The following PLAGL1 variants were observed in gnomAD, a reference collection of about 807,000 sequenced individuals.
PLAGL1 encodes the protein PLAG1 like zinc finger 1, also known as zinc finger protein PLAGL1.
Under a neutral mutation model 4.6 loss-of-function variants are expected in PLAGL1, and 1 was observed. The ratio of observed to expected loss-of-function variants is 0.22; its 90% CI spans 0.08 to 1.03. PLAGL1 has a LOEUF of 1.03. Among genes scored for constraint, PLAGL1 ranks in the 50% least tolerant of loss-of-function variants. PLAGL1 has a pLI of 0.58. For synonymous variants in PLAGL1, 240 were observed against 237.8 expected, an observed-to-expected ratio of 1.01 and a Z score of -0.08; for missense variants, 464 against 570.4, an observed-to-expected ratio of 0.81 and a Z score of 1.90.
At chr6:144,058,981 G>A (rs1799191625) in intron 1 of PLAGL1, among the ~76,000 whole-genome samples, 1 of 152,296 alleles carries the variant, frequency 6.6e-6, no homozygotes, top group Admixed American at 6.5e-5. Context: ...ACTCCACTAG[G>A]TAGTGCCCTG....
upstream of PLAGL1, among the ~76,000 whole-genome samples, chr6:144,012,050 G>A (rs771817681): frequency 2.0e-5 from 3 of 152,120 alleles, no homozygotes; most frequent in Non-Finnish European, 4.4e-5. The surrounding 1 kb of genome is among the most constrained non-coding windows in gnomAD (Gnocchi z 4.8). Flanking sequence ...GTGGAGGGCT[G>A]GGCAGACATA....
At chr6:144,017,047 A>G (rs538949706) in intron 1 of PLAGL1, among the ~76,000 whole-genome samples, 3 of 152,300 alleles carry the variant, frequency 2.0e-5, no homozygotes, top group Non-Finnish European at 2.9e-5. Context: ...CAGCCTCATT[A>G]TGGCATTTAC....
In PLAGL1 at chr6:143,972,126, G is replaced by GA. The variant is rs2128583492; in HGVS notation, c.-543-3149dup. Among the ~76,000 whole-genome samples, 1 of 152,324 alleles carries GA rather than the reference G, an allele frequency of 6.6e-6. No individual in the cohort carries two copies. Among genetic ancestry groups the GA allele is most frequent in the South Asian group, 2.1e-4 (1 of 4,830 alleles). ...CTCCCAAAATTTAGTATTTGCAGTT[G>GA]AAACTGTGATAAGTAATTACTTTCA... On this transcript the variant is annotated intron_variant, in intron 2 of 7. Coordinates refer to ENST00000674357, the MANE Select transcript of PLAGL1 (RefSeq NM_001317162.2). This position sits in a 1 kb window ranked among gnomAD's most constrained non-coding sequence, Gnocchi z 6.8.
rs1295975352 is a variant in PLAGL1, at chr6:143,966,762, A to G, written c.-471-564T>C. 6.6e-6 allele frequency: 1 copy of G among 152,170 alleles called. No homozygotes were observed. The highest frequency in any genetic ancestry group is 1.9e-4 in the East Asian group (1 of 5,202). The allele number at this position is 152,170 out of a possible 1,614,324, so 9.4% of individuals were successfully genotyped here. ...TAGCATTTTAAACATTGATAGAGAAATTATTTTCTTTTCTAATTTTAATAT... is the reference window on the plus strand; with the variant it reads ...TAGCATTTTAAACATTGATAGAGAAGTTATTTTCTTTTCTAATTTTAATAT... On this transcript the variant is annotated intron_variant, in intron 3 of 7. Transcript: ENST00000674357. This position sits in a 1 kb window ranked among gnomAD's most constrained non-coding sequence, Gnocchi z 6.0.
chr6:144,043,362 T>C (rs917091147), intron 1 of PLAGL1, among the ~76,000 whole-genome samples: 2 of 152,224 alleles, frequency 1.3e-5, no homozygotes, highest in Non-Finnish European at 1.5e-5. Context: ...AATACCTAGT[T>C]TACTGAGAGT....
Position 144,063,378 on chromosome 6 carries a change from AT to A in PLAGL1, c.-151+1089del, listed in dbSNP as rs1389798372. Among the ~76,000 whole-genome samples the A allele has an allele frequency of 6.6e-6, 1 of 152,150 alleles. No homozygotes were observed. The highest frequency in any genetic ancestry group is 1.9e-4 in the East Asian group (1 of 5,176). On this transcript the variant is annotated intron_variant, in intron 1 of 3. Transcript: ENST00000437412. The surrounding 1 kb of genome is among the most constrained non-coding windows in gnomAD (Gnocchi z 5.7). Reference sequence around the variant, plus strand: ...TGCCTAACTAGGCGTCCCCAGCCATATCCCCGGGGCAGCTTTTACAAAAAGT... The same window carrying A: ...TGCCTAACTAGGCGTCCCCAGCCATACCCCGGGGCAGCTTTTACAAAAAGT...
At chr6:144,010,659 C>G (rs780757773), upstream of PLAGL1, among the ~76,000 whole-genome samples, 1 of 152,124 alleles carries the variant, frequency 6.6e-6, no homozygotes, top group African/African-American at 2.4e-5. This position sits in a 1 kb window ranked among gnomAD's most constrained non-coding sequence, Gnocchi z 4.1. Context: ...CAATCCTAAG[C>G]AAAAAGAACA....
chr6:143,998,298 T>A (rs1459229355), intron 1 of PLAGL1, among the ~76,000 whole-genome samples: 1 of 152,246 alleles, frequency 6.6e-6, no homozygotes, highest in Non-Finnish European at 1.5e-5. Flanking sequence ...GTGTGTGTTT[T>A]ACCATAAATG....
At chr6:144,054,776 A>AGAGT (rs1396583843) in intron 1 of PLAGL1, among the ~76,000 whole-genome samples, 12 of 142,286 alleles carry the variant, frequency 8.4e-5, no homozygotes, top group African/African-American at 2.6e-4. Flanking sequence ...ACTAAAAAAG[A>AGAGT]GTGTGTGTGT....
In PLAGL1 at chr6:143,975,344, G is replaced by A. The variant is rs1458410342; in HGVS notation, c.-543-6366C>T. 6.6e-6 allele frequency among the ~76,000 whole-genome samples: 1 copy of A among 152,108 alleles called. No individual in the cohort carries two copies. Among genetic ancestry groups the A allele is most frequent in the Non-Finnish European group, 1.5e-5 (1 of 68,012 alleles). On this transcript the variant is annotated intron_variant, in intron 2 of 7. Transcript: ENST00000674357. The surrounding 1 kb of genome is among the most constrained non-coding windows in gnomAD (Gnocchi z 5.8). ...GTCAGATCTGTATTTAAATTTTAGT[G>A]TCACTTTGTAATAATTTTATAAATT...
chr6:144,032,560 G>A (rs746167492), intron 1 of PLAGL1, among the ~76,000 whole-genome samples: 32 of 151,872 alleles, frequency 2.1e-4, no homozygotes, highest in Admixed American at 1.9e-3. Flanking sequence ...TGTTTTTGGG[G>A]TTTTGTTTGT....
rs1798484792 is a variant in PLAGL1 at position 144,050,254 on chromosome 6, G to C, written c.-151+14214C>G. Among the ~76,000 whole-genome samples the C allele has an allele frequency of 6.6e-6, 1 of 152,170 alleles. No individual in the cohort carries two copies. Among genetic ancestry groups the C allele is most frequent in the Admixed American group, 6.5e-5 (1 of 15,270 alleles). On this transcript the variant is annotated intron_variant, in intron 1 of 3. Transcript: ENST00000437412. This position sits in a 1 kb window ranked among gnomAD's most constrained non-coding sequence, Gnocchi z 4.3. ...GGACAATACACCCACTGTGTGACAT[G>C]CTAGGGGCAACCTCCTGTGCTAATT...
rs1171947117 is a variant in PLAGL1 at position 144,034,253 on chromosome 6, G to T, written c.-151+30215C>A. 6.6e-6 allele frequency among the ~76,000 whole-genome samples: 1 copy of T among 152,038 alleles called. No individual in the cohort carries two copies. The highest frequency in any genetic ancestry group is 2.4e-5 in the African/African-American group (1 of 41,388). On this transcript the variant is annotated intron_variant, in intron 1 of 3. Coordinates refer to the PLAGL1 transcript ENST00000437412. The surrounding 1 kb of genome is among the most constrained non-coding windows in gnomAD (Gnocchi z 4.7). ...TCCAGGGCTCTTCCATCTTTCTCTA[G>T]CTGCCAAGGCCCAGGCTGACAACCC...
chr6:143,941,493 G>A lies in PLAGL1; in HGVS notation c.1323C>T (p.Pro441=), dbSNP rs778890400. 6 of 1,524,978 alleles carry A rather than the reference G, an allele frequency of 3.9e-6. No individual in the cohort carries two copies. In the South Asian group the frequency reaches 3.9e-5, roughly 10 times the overall value. 94.5% of individuals were successfully genotyped at this position (1,524,978 alleles called of 1,614,324 possible). A position where few individuals can be genotyped will look rare whatever the true frequency, so the allele number is the denominator to read the frequency against. Residue 441 remains proline, a synonymous_variant, in exon 8 of 8, where the codon CCC becomes CCT. Coordinates refer to ENST00000674357, the MANE Select transcript of PLAGL1 (RefSeq NM_001317162.2). The surrounding 1 kb of genome is among the most constrained non-coding windows in gnomAD (Gnocchi z 6.0). ...TGCCAGCTGAGAACACATGAGGGAT[G>A]GGGGGCAGGGGGAGCTGGCCCAGGC... The part of the protein sequence containing the change: ...TVSLGQLPLP[P]IPHVFSAGTG...
chr6:144,012,808 A>G (rs929216885), upstream of PLAGL1, among the ~76,000 whole-genome samples: 49 of 152,180 alleles, frequency 3.2e-4, no homozygotes, highest in African/African-American at 1.1e-3. This position sits in a 1 kb window ranked among gnomAD's most constrained non-coding sequence, Gnocchi z 4.8. Flanking sequence ...TGCAAACTCA[A>G]ATCTCTACAA....
chr6:143,941,988 C>T lies in PLAGL1; in HGVS notation c.828G>A (p.Gln276=). The part of the protein sequence containing the change: ...SPPEQAAQPM[Q]PLPESLASLH... ...GGGAGGCCAGGGACTCTGGCAGCGGCTGCATAGGCTGGGCGGCTTGTTCTG... is the reference window on the plus strand; with the variant it reads ...GGGAGGCCAGGGACTCTGGCAGCGGTTGCATAGGCTGGGCGGCTTGTTCTG... The change falls in exon 8 of 8, where the codon CAG becomes CAA. Residue 276 remains glutamine, a synonymous_variant. Transcript: ENST00000674357. This position sits in a 1 kb window ranked among gnomAD's most constrained non-coding sequence, Gnocchi z 6.0. The T allele has an allele frequency of 2.5e-6, 4 of 1,593,092 alleles. No individual in the cohort carries two copies. The highest frequency in any genetic ancestry group is 2.6e-6 in the Non-Finnish European group (3 of 1,168,984).
In PLAGL1 at chr6:143,950,038, G is replaced by A. The variant is rs1562398451; in HGVS notation, c.-324-1578C>T. Among the ~76,000 whole-genome samples, 1 of 152,142 alleles carries A rather than the reference G, an allele frequency of 6.6e-6. No individual in the cohort carries two copies. The stretch of plus-strand genomic sequence containing the variant: ...AAACTTGTAGAGTTCCTCATCTTCT[G>A]TTGTAGATGTTTTCAGTGTCTGGAC... On this transcript the variant is annotated intron_variant, in intron 6 of 7. Coordinates refer to ENST00000674357, the MANE Select transcript of PLAGL1 (RefSeq NM_001317162.2). The surrounding 1 kb of genome is among the most constrained non-coding windows in gnomAD (Gnocchi z 6.3).
At chr6:144,001,343 A>G (rs1415238594) in intron 1 of PLAGL1, among the ~76,000 whole-genome samples, 2 of 152,130 alleles carry the variant, frequency 1.3e-5, no homozygotes, top group African/African-American at 4.8e-5. Flanking sequence ...GATATAAATA[A>G]CTGACTCAAT....
rs55975441 is a variant in PLAGL1 at position 144,054,776 on chromosome 6, AGTGTGTGTGTGTGTGT to A, written c.-151+9676_-151+9691del. The stretch of plus-strand genomic sequence containing the variant: ...AAAAGAAAAAGAAAAACTAAAAAAG[AGTGTGTGTGTGTGTGT>A]GTGTGTGTGTGTGTGTGTGTGTGTG... On this transcript the variant is annotated intron_variant, in intron 1 of 3. Transcript: ENST00000437412. Among the ~76,000 whole-genome samples the A allele has an allele frequency of 1.9e-3, 267 of 142,284 alleles. 1 individual carries two copies. The highest frequency in any genetic ancestry group is 6.4e-3 in the African/African-American group (247 of 38,424). The allele number at this position is 142,284 out of a possible 152,430, so 93.3% of individuals were successfully genotyped here. A position where few individuals can be genotyped will look rare whatever the true frequency, so the allele number is the denominator to read the frequency against.
Sources: gnomAD v4.1 joint callset for allele counts (sites outside exome capture counted in the v4.1 genomes callset) on GRCh38, gnomAD v4.1.1 for gene constraint, Gnocchi (gnomAD v3.1) non-coding constraint, MANE v1.5 for transcripts, NCBI Gene and HGNC (gene_info 2026-07-23, HGNC 2026-07-21) for gene names.